ABCC5: variants seen among roughly 807,000 people sequenced by gnomAD.
ABCC5 encodes the protein ATP-binding cassette sub-family C member 5.
ABCC5 carries 61 observed loss-of-function variants against 160.9 expected under a neutral mutation model. The ratio of observed to expected loss-of-function variants is 0.38; its 90% CI spans 0.31 to 0.47. The LOEUF (loss-of-function observed/expected upper bound fraction) is 0.47. Among genes scored for constraint, ABCC5 ranks in the 20% least tolerant of loss-of-function variants. The pLI is 0.99. For synonymous variants in ABCC5, 666 were observed against 700.6 expected, an observed-to-expected ratio of 0.95 and a Z score of 0.78; for missense variants, 1,308 against 1,813.3, an observed-to-expected ratio of 0.72 and a Z score of 5.06.
rs766332008 is a variant in ABCC5 at position 183,981,880 on chromosome 3, A to G, written c.1000-6T>C. The G allele has an allele frequency of 1.3e-6, 2 of 1,588,896 alleles. No homozygotes were observed. Among genetic ancestry groups the G allele is most frequent in the Admixed American group, 3.9e-5 (2 of 51,848 alleles). ...GTGAGCCGTGATGCAAACATCTGAA[A>G]GGAAAAGCGATGCCACGCCAAATTA... On this transcript the variant is annotated splice_polypyrimidine_tract_variant and splice_region_variant and intron_variant, in intron 7 of 29. Coordinates refer to ENST00000334444, the MANE Select transcript of ABCC5 (RefSeq NM_005688.4).
At position 184,002,899 on chromosome 3, in the gene ABCC5, C is replaced by T. The variant is rs542987404; in HGVS notation, c.129+11365G>A. 1.2e-4 allele frequency among the ~76,000 whole-genome samples: 18 copies of T among 152,282 alleles called. 1 individual carries two copies. Among genetic ancestry groups the T allele is most frequent in the Admixed American group, 7.8e-4 (12 of 15,298 alleles). ...GTCAACTGGCAACAGAGAGGTACCT[C>T]GGTTTCCAAGGGGGTTAAAGGCTGC... On this transcript the variant is annotated intron_variant, in intron 2 of 29. Transcript: ENST00000334444.
At chr3:183,978,731 T>C in intron 8 of ABCC5, 80 bp from the exon 9 acceptor site, 1 of 1,501,978 alleles carries the variant, frequency 6.7e-7, no homozygotes, top group Non-Finnish European at 9.0e-7. Context: ...CAAACAAGAC[T>C]CTGTAGGTCT....
intron 17 of ABCC5, among the ~76,000 whole-genome samples, chr3:183,959,321 C>G (rs1289486562): frequency 6.6e-6 from 1 of 152,180 alleles, no homozygotes; most frequent in Non-Finnish European, 1.5e-5. Flanking sequence ...GTCTACTGTT[C>G]TAACATGGGT....
intron 26 of ABCC5, among the ~76,000 whole-genome samples, chr3:183,935,828 T>C (rs945047446): frequency 1.6e-4 from 25 of 152,236 alleles, no homozygotes; most frequent in African/African-American, 5.8e-4. Context: ...CTTCTGATAT[T>C]GCTTGTCTGA....
chr3:184,015,591 A>C (rs1722125271), intron 1 of ABCC5, among the ~76,000 whole-genome samples: 1 of 152,184 alleles, frequency 6.6e-6, no homozygotes, highest in South Asian at 2.1e-4. Context: ...TAAATCTCCT[A>C]TGCAAAGACA....
At chr3:183,968,572 A>G (rs1280599271) in intron 11 of ABCC5, among the ~76,000 whole-genome samples, 2 of 152,238 alleles carry the variant, frequency 1.3e-5, no homozygotes, top group African/African-American at 4.8e-5. Flanking sequence ...AATCTGAGGA[A>G]TATTTATACC....
chr3:183,973,561 T>C (rs1363389300), intron 10 of ABCC5, among the ~76,000 whole-genome samples: 2 of 152,040 alleles, frequency 1.3e-5, no homozygotes, highest in Admixed American at 6.6e-5. Context: ...TCATACATAA[T>C]CCCTCTCCCC....
At chr3:183,933,984 T>C (rs537879218) in intron 26 of ABCC5, among the ~76,000 whole-genome samples, 1 of 152,256 alleles carries the variant, frequency 6.6e-6, no homozygotes, top group Non-Finnish European at 1.5e-5. Flanking sequence ...GGGAAACTCA[T>C]CATAGGCTTT....
At chr3:183,953,880 G>A (rs1202303661) in intron 17 of ABCC5, among the ~76,000 whole-genome samples, 2 of 152,186 alleles carry the variant, frequency 1.3e-5, no homozygotes, top group Non-Finnish European at 1.5e-5. Flanking sequence ...GCAGGCTGTG[G>A]TCACAGAAGA....
rs1287974321 is a variant in ABCC5 at position 183,989,369 on chromosome 3, A to G, written c.144T>C (p.Asp48=). The part of the protein sequence containing the change: ...FRRTRPLECQ[D]ALETAARAEG... ...CGGCTCGGGCTGCTGTTTCCAAGGC[A>G]TCTTGGCATTCCAACTGTTCCAGCA... The change falls in exon 3 of 30, where the codon GAT becomes GAC. Residue 48 remains aspartate (D), a synonymous_variant. Coordinates refer to ENST00000334444, the MANE Select transcript of ABCC5 (RefSeq NM_005688.4). The G allele has an allele frequency of 6.2e-7, 1 of 1,613,820 alleles. No homozygotes were observed. Among genetic ancestry groups the G allele is most frequent in the Non-Finnish European group, 8.5e-7 (1 of 1,179,942 alleles).
At chr3:183,926,326 C>T (rs1226341055) in intron 28 of ABCC5, among the ~76,000 whole-genome samples, 4 of 151,254 alleles carry the variant, frequency 2.6e-5, no homozygotes, top group Admixed American at 1.3e-4. Flanking sequence ...CCGAGGCAGG[C>T]GGATCACGAG....
chr3:183,931,785 CAATCAGGAATGGA>C (rs1713205466), intron 26 of ABCC5, among the ~76,000 whole-genome samples: 1 of 152,200 alleles, frequency 6.6e-6, no homozygotes, highest in South Asian at 2.1e-4. Flanking sequence ...ACAGGGAGCT[CAATCAGGAATGGA>C]AAAATATCTC....
At chr3:183,989,490 G>A (rs2108870274) in intron 2 of ABCC5, 107 bp from the exon 3 acceptor site, 1 of 1,198,202 alleles carries the variant, frequency 8.3e-7, no homozygotes, top group Non-Finnish European at 1.2e-6. Context: ...CATCTTAACT[G>A]AGAAATTCCA....
chr3:183,996,262 T>A (rs1720277040), intron 2 of ABCC5, among the ~76,000 whole-genome samples: 1 of 152,132 alleles, frequency 6.6e-6, no homozygotes, highest in African/African-American at 2.4e-5. Flanking sequence ...ACAAATAACT[T>A]ACCGAGTGCC....
chr3:183,959,856 AAGTCTCC>A, intron 16 of ABCC5, 21 bp from the exon 17 acceptor site: 1 of 1,555,074 alleles, frequency 6.4e-7, no homozygotes, highest in Non-Finnish European at 8.8e-7. Flanking sequence ...TTAAAAAAAA[AAGTCTCC>A]AGTCATGTTA....
chr3:183,977,632 T>C lies in ABCC5; in HGVS notation c.1297-8A>G. 8.7e-6 allele frequency: 14 copies of C among 1,606,614 alleles called. No individual in the cohort carries two copies. Among genetic ancestry groups the C allele is most frequent in the Non-Finnish European group, 1.2e-5 (14 of 1,173,854 alleles). On this transcript the variant is annotated splice_polypyrimidine_tract_variant and splice_region_variant and intron_variant, in intron 9 of 29. Transcript: ENST00000334444. The stretch of plus-strand genomic sequence containing the variant: ...TGTCACCACTGTGAAAGCCTGAAAA[T>C]AGGAGAAGAGAAGAAACTGTGCCTA...
In ABCC5 at chr3:183,951,609, G is replaced by A. The variant is rs374737070; in HGVS notation, c.2815-39C>T. ...CACAGAGTGGTCAGGGCCCAGGGACGGCTCTGTTCCTACTGGTCCAGAGAA... is the reference window on the plus strand; with the variant it reads ...CACAGAGTGGTCAGGGCCCAGGGACAGCTCTGTTCCTACTGGTCCAGAGAA... On this transcript the variant is annotated intron_variant, in intron 19 of 29. Coordinates refer to ENST00000334444, the MANE Select transcript of ABCC5 (RefSeq NM_005688.4). This position sits in a 1 kb window ranked among gnomAD's most constrained non-coding sequence, Gnocchi z 4.7. 3.2e-5 allele frequency: 51 copies of A among 1,605,982 alleles called. No individual in the cohort carries two copies. The Admixed American group carries it at 3.4e-4, about 11-fold the overall frequency.
At chr3:184,006,042 A>T (rs1721172478) in intron 2 of ABCC5, among the ~76,000 whole-genome samples, 1 of 152,168 alleles carries the variant, frequency 6.6e-6, no homozygotes. Context: ...GCAGTCTTGC[A>T]GCAAACGGCA....
Position 183,949,642 on chromosome 3 carries a change from G to T in ABCC5, c.3227+111C>A. The stretch of plus-strand genomic sequence containing the variant: ...ATTCCATTAAATCATGAATACCCTT[G>T]GTAATGAGGTTTATAATCCCCATCT... On this transcript the variant is annotated intron_variant, in intron 22 of 29. Coordinates refer to ENST00000334444, the MANE Select transcript of ABCC5 (RefSeq NM_005688.4). The surrounding 1 kb of genome is among the most constrained non-coding windows in gnomAD (Gnocchi z 4.2). 7.6e-7 allele frequency: 1 copy of T among 1,313,372 alleles called. No homozygotes were observed. The highest frequency in any genetic ancestry group is 1.0e-6 in the Non-Finnish European group (1 of 959,744). The allele number at this position is 1,313,372 out of a possible 1,614,324, so 81.4% of individuals were successfully genotyped here.
Sources: gnomAD v4.1 joint callset for allele counts (sites outside exome capture counted in the v4.1 genomes callset) on GRCh38, gnomAD v4.1.1 for gene constraint, Gnocchi (gnomAD v3.1) non-coding constraint, MANE v1.5 for transcripts, NCBI Gene and HGNC (gene_info 2026-07-23, HGNC 2026-07-21) for gene names.